The following RAPGEF6 variants were observed in gnomAD, a reference collection of about 807,000 sequenced individuals.
RAPGEF6 encodes PDZ domain containing guanine nucleotide exchange factor (GEF) 2.
RAPGEF6 carries 56 observed loss-of-function variants against 171.4 expected under a neutral mutation model. The observed-to-expected ratio is 0.33, with a 90% CI of 0.26 to 0.41. RAPGEF6 has a LOEUF of 0.41. Among genes scored for constraint, RAPGEF6 ranks in the 10% least tolerant of loss-of-function variants. The pLI is 1.00. For missense variants in RAPGEF6, 1,674 were observed against 1,921.4 expected, an observed-to-expected ratio of 0.87 and a Z score of 2.41; for synonymous variants, 692 against 650.1, an observed-to-expected ratio of 1.06 and a Z score of -0.98.
intron 6 of RAPGEF6, among the ~76,000 whole-genome samples, chr5:131,546,912 ATC>A (rs1367350258): frequency 6.6e-6 from 1 of 152,308 alleles, no homozygotes; most frequent in African/African-American, 2.4e-5. Flanking sequence ...AATAGGAACA[ATC>A]TGTTTCTAAT....
intron 15 of RAPGEF6, among the ~76,000 whole-genome samples, chr5:131,484,950 C>T (rs1561501548): frequency 6.6e-6 from 1 of 152,106 alleles, no homozygotes; most frequent in African/African-American, 2.4e-5. Context: ...GGTTTAGAGA[C>T]AGAGTCTTGC....
intron 4 of RAPGEF6, among the ~76,000 whole-genome samples, chr5:131,575,112 G>A (rs945722676): frequency 3.3e-5 from 5 of 151,794 alleles, no homozygotes; most frequent in African/African-American, 4.8e-5. Context: ...TTCTGTCCTC[G>A]ACCTCAAAGA....
chr5:131,462,244 G>A (rs901010444), intron 18 of RAPGEF6, among the ~76,000 whole-genome samples, 156 bp from the exon 19 acceptor site: 6 of 152,116 alleles, frequency 3.9e-5, no homozygotes, highest in African/African-American at 1.4e-4. Context: ...CATTTTAAAT[G>A]AAAAGATTTT....
chr5:131,431,586 A>G (rs1211023044), intron 25 of RAPGEF6, among the ~76,000 whole-genome samples: 1 of 151,464 alleles, frequency 6.6e-6, no homozygotes, highest in Non-Finnish European at 1.5e-5. Context: ...TTTCCTTAGA[A>G]TTTTTCTTTT....
Position 131,491,868 on chromosome 5 carries a change from C to T in RAPGEF6, c.1731+714G>A, listed in dbSNP as rs965054085. ...CCCTGGTGCCAAAAAGGTTGGGGAC[C>T]ACTGATCTAGAGAGCTTTGTTAAAA... On this transcript the variant is annotated intron_variant, in intron 14 of 27. Transcript: ENST00000509018. Among the ~76,000 whole-genome samples the T allele has an allele frequency of 1.4e-4, 21 of 152,214 alleles. 1 individual carries two copies. In the South Asian group the frequency reaches 2.7e-3, roughly 20 times the overall value.
chr5:131,445,088 A>G (rs902283339), intron 22 of RAPGEF6, among the ~76,000 whole-genome samples: 1 of 152,244 alleles, frequency 6.6e-6, no homozygotes, highest in African/African-American at 2.4e-5. Context: ...CAAGTTTTAC[A>G]TTTGAGAAAA....
At chr5:131,529,529 G>A (rs370666713) in intron 6 of RAPGEF6, among the ~76,000 whole-genome samples, 55 of 151,614 alleles carry the variant, frequency 3.6e-4, no homozygotes, top group African/African-American at 1.1e-3. Flanking sequence ...TTCAGCTTGC[G>A]AGAGTACTAC....
At position 131,430,980 on chromosome 5, in the gene RAPGEF6, C is replaced by G; in HGVS notation, c.4344G>C (p.Gly1448=). ...SLSDTYEPNY[G]TVKQRVLEST... is the part of the protein sequence containing the mutation. The stretch of plus-strand genomic sequence containing the variant: ...TCTCCAATACTCTCTGTTTAACTGT[C>G]CCATAGTTTGGTTCATACGTGTCAG... Residue 1448 remains glycine, a synonymous_variant, in exon 26 of 28, where the codon GGG becomes GGC. Transcript: ENST00000509018. The G allele has an allele frequency of 1.2e-6, 2 of 1,614,144 alleles. No individual in the cohort carries two copies. The highest frequency in any genetic ancestry group is 1.7e-6 in the Non-Finnish European group (2 of 1,180,016).
rs1288450239 is a variant in RAPGEF6, at chr5:131,464,215, T to C, written c.2306A>G (p.Lys769Arg). The change falls in exon 18 of 28, where the codon AAA becomes AGA. Residue 769 changes from lysine (K) to arginine (R), a missense_variant. Lys to Arg is a conservative substitution (Grantham distance 26). Coordinates refer to ENST00000509018, the MANE Select transcript of RAPGEF6 (RefSeq NM_016340.6). ...DQQSCYIIIS[K>R]DTTAKEVVFH... ...AACTACTTCTTTAGCTGTGGTGTCT[T>C]TACTGATGATAATGTAGCAACTTTG... 6.2e-7 allele frequency: 1 copy of C among 1,613,846 alleles called. No individual in the cohort carries two copies. The highest frequency in any genetic ancestry group is 1.1e-5 in the South Asian group (1 of 91,082).
chr5:131,580,220 T>C (rs1465035019), intron 4 of RAPGEF6, among the ~76,000 whole-genome samples: 2 of 152,104 alleles, frequency 1.3e-5, no homozygotes, highest in African/African-American at 2.4e-5. Context: ...GAGCGTGGCA[T>C]GGGCAGGCCG....
intron 1 of RAPGEF6, among the ~76,000 whole-genome samples, chr5:131,629,439 C>T (rs535655287): frequency 6.6e-6 from 1 of 152,100 alleles, no homozygotes; most frequent in East Asian, 1.9e-4. Flanking sequence ...GTGAAGGAAG[C>T]AACTGCATGT....
At chr5:131,557,229 A>T (rs1761292037) in intron 5 of RAPGEF6, among the ~76,000 whole-genome samples, 1 of 138,692 alleles carries the variant, frequency 7.2e-6, no homozygotes, top group Non-Finnish European at 1.6e-5. Context: ...TATCTTAAAA[A>T]TATTGTCTCA....
chr5:131,474,856 A>C (rs1002121295), intron 16 of RAPGEF6, among the ~76,000 whole-genome samples: 1 of 152,190 alleles, frequency 6.6e-6, no homozygotes, highest in Non-Finnish European at 1.5e-5. Flanking sequence ...AGGGTGCGAC[A>C]ACAATCCAAG....
At chr5:131,460,771 T>C (rs1200511628) in intron 19 of RAPGEF6, among the ~76,000 whole-genome samples, 1 of 152,168 alleles carries the variant, frequency 6.6e-6, no homozygotes, top group East Asian at 1.9e-4. Context: ...CACTGGTTAA[T>C]TTAATAAAGG....
intron 15 of RAPGEF6, among the ~76,000 whole-genome samples, chr5:131,482,225 A>C (rs1452266598): frequency 6.6e-6 from 1 of 152,148 alleles, no homozygotes; most frequent in Admixed American, 6.5e-5. Flanking sequence ...ATATTTAACA[A>C]ATTTCACTTG....
At chr5:131,533,183 C>CACACACACAT (rs1255973698) in intron 6 of RAPGEF6, 2 of 130,092 alleles carry the variant, frequency 1.5e-5, no homozygotes, top group East Asian at 3.9e-4. Flanking sequence ...CACACACACA[C>CACACACACAT]ACACACACAC....
chr5:131,590,685 C>T (rs968294078), intron 4 of RAPGEF6, among the ~76,000 whole-genome samples: 2 of 152,110 alleles, frequency 1.3e-5, no homozygotes, highest in African/African-American at 2.4e-5. Flanking sequence ...TACATTAATG[C>T]ATACCATGAT....
At chr5:131,492,554 G>A in intron 14 of RAPGEF6, 28 bp downstream of exon 14, 1 of 1,603,306 alleles carries the variant, frequency 6.2e-7, no homozygotes, top group East Asian at 2.2e-5. Context: ...AAGAAGGCTT[G>A]AATATAAGTG....
intron 6 of RAPGEF6, among the ~76,000 whole-genome samples, chr5:131,538,594 T>G (rs560501225): frequency 3.3e-5 from 5 of 152,248 alleles, no homozygotes; most frequent in Admixed American, 2.0e-4. Flanking sequence ...TAAAAGGGAC[T>G]CGAACATCCT....
Sources: gnomAD v4.1 joint callset for allele counts (sites outside exome capture counted in the v4.1 genomes callset) on GRCh38, gnomAD v4.1.1 for gene constraint, MANE v1.5 for transcripts, NCBI Gene and HGNC (gene_info 2026-07-23, HGNC 2026-07-21) for gene names.